Variants in SLC4A1AP observed in about 807,000 individuals in gnomAD.
SLC4A1AP encodes the protein solute carrier family 4 member 1 adaptor protein.
A neutral mutation model predicts 89.7 loss-of-function variants in SLC4A1AP; 64 were observed. That is an observed-to-expected ratio of 0.71 (90% CI 0.58 to 0.88). SLC4A1AP has a LOEUF of 0.88. SLC4A1AP is among the 40% of genes least tolerant of loss of function. The pLI is 0.00. For missense variants in SLC4A1AP, 931 were observed against 965.0 expected (o/e 0.96, Z 0.47); for synonymous variants, 366 against 353.3 (o/e 1.04, Z -0.40).
At chr2:27,665,412 A>ATTGTGTTTGCC in intron 2 of SLC4A1AP, 117 bp downstream of exon 2, 1 of 828,874 alleles carries the variant, frequency 1.2e-6, no homozygotes, top group Non-Finnish European at 1.8e-6. Flanking sequence ...GATAGGGCAA[A>ATTGTGTTTGCC]CACAATTTGC....
rs762417302 is a variant in SLC4A1AP at position 27,667,260 on chromosome 2, T to A, written c.1022-8T>A. On this transcript the variant is annotated splice_region_variant and splice_polypyrimidine_tract_variant and intron_variant, in intron 2 of 13. Transcript: ENST00000613058. ...GATTATCTTTTCTTTCTTTTCCATA[T>A]CCTGTAGGAGAAGATGCAGTAGAGG... 6.2e-7 allele frequency: 1 copy of A among 1,603,454 alleles called. No homozygotes were observed. Among genetic ancestry groups the A allele is most frequent in the Non-Finnish European group, 8.5e-7 (1 of 1,176,120 alleles).
chr2:27,680,069 G>C (rs1283689455), intron 8 of SLC4A1AP, among the ~76,000 whole-genome samples: 2 of 152,182 alleles, frequency 1.3e-5, no homozygotes, highest in Non-Finnish European at 2.9e-5. Flanking sequence ...TGGGGGGTGG[G>C]AGGGGCTCAC....
chr2:27,687,229 A>T (rs1272044913), intron 10 of SLC4A1AP, among the ~76,000 whole-genome samples: 1 of 151,996 alleles, frequency 6.6e-6, no homozygotes, highest in African/African-American at 2.4e-5. Flanking sequence ...TATTTAGTCA[A>T]CTCTCAATTG....
chr2:27,673,311 T>G (rs568453811), intron 5 of SLC4A1AP, among the ~76,000 whole-genome samples: 1 of 146,428 alleles, frequency 6.8e-6, no homozygotes, highest in African/African-American at 2.5e-5. Context: ...TTTCTCTCTC[T>G]CTCTCTCTCT....
chr2:27,665,439 AC>A, intron 2 of SLC4A1AP, 144 bp downstream of exon 2: 1 of 562,234 alleles, frequency 1.8e-6, no homozygotes, highest in Non-Finnish European at 3.0e-6. Context: ...GGTAACCAAA[AC>A]CCAGAGAGAT....
chr2:27,664,104 A>T, exon 1 of SLC4A1AP: 2 of 1,614,162 alleles, frequency 1.2e-6, no homozygotes, highest in Non-Finnish European at 1.7e-6. Flanking sequence ...GGAGCCCGAC[A>T]TCCCTCCTCC....
At chr2:27,690,184 C>T (rs964676647) in intron 12 of SLC4A1AP, among the ~76,000 whole-genome samples, 12 of 152,118 alleles carry the variant, frequency 7.9e-5, no homozygotes, top group African/African-American at 2.4e-4. Context: ...TTTTGGGTTA[C>T]AAATGGTTCT....
At chr2:27,682,634 C>T (rs539694512) in intron 9 of SLC4A1AP, among the ~76,000 whole-genome samples, 8 of 151,698 alleles carry the variant, frequency 5.3e-5, no homozygotes, top group African/African-American at 1.9e-4. Context: ...AAGCAATTCT[C>T]CTGCCTCAGC....
intron 9 of SLC4A1AP, among the ~76,000 whole-genome samples, chr2:27,683,202 T>C (rs1203262010): frequency 6.6e-6 from 1 of 152,226 alleles, no homozygotes; most frequent in Non-Finnish European, 1.5e-5. Context: ...CAGGTCTGTC[T>C]CTTGAGCTTT....
intron 9 of SLC4A1AP, among the ~76,000 whole-genome samples, chr2:27,682,648 T>C (rs993811878): frequency 1.3e-5 from 2 of 151,220 alleles, no homozygotes; most frequent in Non-Finnish European, 1.5e-5. Flanking sequence ...CCTCAGCCTC[T>C]CGAGTAGCTG....
intron 2 of SLC4A1AP, 66 bp downstream of exon 2, chr2:27,665,361 G>GT (rs368871912): frequency 8.6e-5 from 119 of 1,380,842 alleles, no homozygotes; most frequent in African/African-American, 7.4e-5. Flanking sequence ...ACCCTTAAAT[G>GT]TTTTTTTAAA....
intron 12 of SLC4A1AP, among the ~76,000 whole-genome samples, chr2:27,691,258 C>G (rs544865629): frequency 2.8e-4 from 43 of 151,960 alleles, no homozygotes; most frequent in Admixed American, 7.2e-4. Flanking sequence ...CTGTTTCTTC[C>G]TGATTCAGTC....
At chr2:27,687,193 G>A (rs1346550876) in intron 10 of SLC4A1AP, among the ~76,000 whole-genome samples, 1 of 152,056 alleles carries the variant, frequency 6.6e-6, no homozygotes, top group African/African-American at 2.4e-5. Context: ...GAGCATAGTG[G>A]TTCATCACAT....
chr2:27,682,363 A>C lies in SLC4A1AP; in HGVS notation c.1875+4A>C. 1 of 1,579,812 alleles carries C rather than the reference A, an allele frequency of 6.3e-7. No homozygotes were observed. The highest frequency in any genetic ancestry group is 8.7e-7 in the Non-Finnish European group (1 of 1,150,222). On this transcript the variant is annotated splice_donor_region_variant and intron_variant, in intron 9 of 13. Transcript: ENST00000613058. Reference sequence around the variant, plus strand: ...ATTAAAAACTGGAACAGTAGGGGTAAGTTGTGAGTCAGGGTGTTAAACTTT... The same window carrying C: ...ATTAAAAACTGGAACAGTAGGGGTACGTTGTGAGTCAGGGTGTTAAACTTT...
intron 9 of SLC4A1AP, among the ~76,000 whole-genome samples, chr2:27,684,374 G>A (rs1412534706): frequency 2.0e-5 from 3 of 150,602 alleles, no homozygotes; most frequent in Non-Finnish European, 1.5e-5. Flanking sequence ...GTTTCAGTGA[G>A]CTGAGATCGC....
chr2:27,693,415 C>T (rs1376183814), intron 12 of SLC4A1AP: 3 of 403,632 alleles, frequency 7.4e-6, no homozygotes, highest in Non-Finnish European at 1.3e-5. Context: ...TATTCTGGTG[C>T]ATGCCAACCT....
chr2:27,681,462 G>T (rs1675618215), intron 8 of SLC4A1AP, among the ~76,000 whole-genome samples: 1 of 152,120 alleles, frequency 6.6e-6, no homozygotes, highest in African/African-American at 2.4e-5. Flanking sequence ...CCAGTTTTCA[G>T]GGCTGTCCCA....
intron 8 of SLC4A1AP, among the ~76,000 whole-genome samples, chr2:27,680,338 A>G (rs1425189264): frequency 6.6e-6 from 1 of 152,196 alleles, no homozygotes; most frequent in Non-Finnish European, 1.5e-5. Flanking sequence ...TATTCTATTC[A>G]GATATACTGA....
chr2:27,687,855 T>C, intron 10 of SLC4A1AP, 79 bp from the exon 11 acceptor site: 1 of 1,062,294 alleles, frequency 9.4e-7, no homozygotes, highest in South Asian at 1.4e-5. Flanking sequence ...CTTCTCTTTC[T>C]CTTGTTTTTG....
Sources: gnomAD v4.1 joint callset for allele counts (sites outside exome capture counted in the v4.1 genomes callset) on GRCh38, gnomAD v4.1.1 for gene constraint, MANE v1.5 for transcripts, NCBI Gene and HGNC (gene_info 2026-07-23, HGNC 2026-07-21) for gene names.